The following MAD1L1 variants were observed in gnomAD, a reference collection of about 807,000 sequenced individuals.
MAD1L1 encodes mitotic spindle assembly checkpoint protein MAD1.
In MAD1L1, 95 loss-of-function variants were observed where a neutral mutation model predicts 96.9. The ratio of observed to expected loss-of-function variants is 0.98; its 90% CI spans 0.83 to 1.16. MAD1L1 has a LOEUF of 1.16. MAD1L1 is among the 50% of genes most tolerant of loss of function. MAD1L1 has a pLI of 0.00. For synonymous variants in MAD1L1, 473 were observed against 396.6 expected (o/e 1.19, Z -2.29); for missense variants, 1,007 against 954.4 (o/e 1.06, Z -0.73).
intron 10 of MAD1L1, among the ~76,000 whole-genome samples, chr7:2,170,139 T>C (rs1320019937): frequency 6.6e-6 from 1 of 152,226 alleles, no homozygotes. Flanking sequence ...GGAACCTGCA[T>C]GCCAGGGCTT....
intron 17 of MAD1L1, among the ~76,000 whole-genome samples, chr7:1,933,340 C>T (rs768229561): frequency 3.9e-5 from 6 of 152,174 alleles, no homozygotes; most frequent in Non-Finnish European, 5.9e-5. Context: ...CTGGGCTGCT[C>T]GGATACACAG....
chr7:2,088,406 C>T lies in MAD1L1; in HGVS notation c.1074-19068G>A, dbSNP rs3778960. On this transcript the variant is annotated intron_variant, in intron 11 of 18. Coordinates refer to ENST00000265854, the MANE Select transcript of MAD1L1 (RefSeq NM_001013836.2). This position sits in a 1 kb window ranked among gnomAD's most constrained non-coding sequence, Gnocchi z 4.4. ...CACACTGAGCCACCTATTCCCACCA[C>T]AGCCCCCGCCCCGCTCCGTCCCACC... Among the ~76,000 whole-genome samples, 8,142 of 152,242 alleles carry T rather than the reference C, an allele frequency of 0.053. 393 individuals carry two copies. Among genetic ancestry groups the T allele is most frequent in the African/African-American group, 0.12 (5,101 of 41,516 alleles).
chr7:2,185,943 G>A (rs1182874716), intron 10 of MAD1L1, among the ~76,000 whole-genome samples: 1 of 152,210 alleles, frequency 6.6e-6, no homozygotes, highest in East Asian at 1.9e-4. Flanking sequence ...CTGAGAGCCT[G>A]AAAGCTACCA....
intron 10 of MAD1L1, among the ~76,000 whole-genome samples, chr7:2,158,711 T>G (rs1031874652): frequency 6.6e-6 from 1 of 152,140 alleles, no homozygotes; most frequent in Non-Finnish European, 1.5e-5. Context: ...AACACAATTG[T>G]GTGGAAAGGT....
intron 10 of MAD1L1, among the ~76,000 whole-genome samples, chr7:2,162,708 C>CAAAAAAA (rs200992128): frequency 9.3e-4 from 90 of 96,512 alleles, no homozygotes; most frequent in African/African-American, 2.9e-3. Flanking sequence ...CCACCACTCA[C>CAAAAAAA]AAAAAAAAAA....
rs987064009 is a variant in MAD1L1, at chr7:2,088,167, G to C, written c.1074-18829C>G. ...ATGGGGGCCCACGTGCATGGCCACAGAACAGTGGACGAGGTCGGGCAGCAA... is the reference window on the plus strand; with the variant it reads ...ATGGGGGCCCACGTGCATGGCCACACAACAGTGGACGAGGTCGGGCAGCAA... On this transcript the variant is annotated intron_variant, in intron 11 of 18. Transcript: ENST00000265854. The surrounding 1 kb of genome is among the most constrained non-coding windows in gnomAD (Gnocchi z 4.4). Among the ~76,000 whole-genome samples, 4 of 152,208 alleles carry C rather than the reference G, an allele frequency of 2.6e-5. No homozygotes were observed. Among genetic ancestry groups the C allele is most frequent in the Non-Finnish European group, 5.9e-5 (4 of 68,038 alleles).
At chr7:1,861,198 G>A (rs1391601397) in intron 18 of MAD1L1, among the ~76,000 whole-genome samples, 1 of 152,292 alleles carries the variant, frequency 6.6e-6, no homozygotes, top group African/African-American at 2.4e-5. Context: ...GCTGGGGCTC[G>A]GCCACGGCTA....
intron 10 of MAD1L1, among the ~76,000 whole-genome samples, chr7:2,152,692 C>T (rs1035736708): frequency 1.3e-5 from 2 of 152,210 alleles, no homozygotes; most frequent in Middle Eastern, 3.2e-3. Context: ...CCTACCTGCT[C>T]GGCTGGGCTT....
At chr7:2,047,430 A>G (rs1340745081) in intron 12 of MAD1L1, among the ~76,000 whole-genome samples, 3 of 152,304 alleles carry the variant, frequency 2.0e-5, no homozygotes, top group East Asian at 3.9e-4. Context: ...TATTAACTCC[A>G]TTCTACACTC....
intron 16 of MAD1L1, among the ~76,000 whole-genome samples, chr7:1,940,725 C>T (rs958467515): frequency 2.0e-5 from 3 of 152,222 alleles, no homozygotes; most frequent in Non-Finnish European, 4.4e-5. Flanking sequence ...GCTGCGGGCA[C>T]GGAAACACGA....
At chr7:1,876,268 C>T (rs1785383032) in intron 18 of MAD1L1, among the ~76,000 whole-genome samples, 1 of 152,148 alleles carries the variant, frequency 6.6e-6, no homozygotes, top group Non-Finnish European at 1.5e-5. Flanking sequence ...CCAGCTCCTT[C>T]TCTGGAGGCT....
chr7:2,139,681 A>G (rs1188226232), intron 11 of MAD1L1, among the ~76,000 whole-genome samples: 1 of 152,124 alleles, frequency 6.6e-6, no homozygotes, highest in Non-Finnish European at 1.5e-5. Context: ...CTCTCCTTCA[A>G]GGCTGATGGG....
intron 16 of MAD1L1, among the ~76,000 whole-genome samples, chr7:1,944,903 C>T (rs1414072988): frequency 2.0e-5 from 3 of 152,242 alleles, no homozygotes; most frequent in African/African-American, 4.8e-5. Context: ...CAGCAGCTGA[C>T]AGGCAGGGGA....
At chr7:1,816,716 G>A (rs1466412381) in intron 18 of MAD1L1, among the ~76,000 whole-genome samples, 6 of 152,028 alleles carry the variant, frequency 3.9e-5, no homozygotes, top group East Asian at 1.9e-4. Flanking sequence ...CCCAGAGGGC[G>A]GCCTCCTGTA....
intron 15 of MAD1L1, among the ~76,000 whole-genome samples, chr7:1,979,031 G>T (rs1780773739): frequency 1.3e-5 from 2 of 152,234 alleles, no homozygotes; most frequent in Non-Finnish European, 2.9e-5. Context: ...CATGTGCAGA[G>T]CACTTCCTGG....
At chr7:1,944,469 G>A (rs1322484098) in intron 16 of MAD1L1, among the ~76,000 whole-genome samples, 1 of 152,178 alleles carries the variant, frequency 6.6e-6, no homozygotes, top group Non-Finnish European at 1.5e-5. Flanking sequence ...GCTGAAACCA[G>A]CCTCTTCCTT....
chr7:2,009,423 G>C (rs924815456), intron 13 of MAD1L1, among the ~76,000 whole-genome samples: 1 of 152,134 alleles, frequency 6.6e-6, no homozygotes, highest in African/African-American at 2.4e-5. Flanking sequence ...TCATGGTCAC[G>C]GTCACGTGGA....
intron 11 of MAD1L1, among the ~76,000 whole-genome samples, chr7:2,139,488 G>A (rs1788919657): frequency 6.6e-6 from 1 of 152,234 alleles, no homozygotes; most frequent in Non-Finnish European, 1.5e-5. Context: ...TCTGGTCTCA[G>A]GAGGAACCAG....
At chr7:1,995,600 G>A (rs1465824737) in intron 14 of MAD1L1, among the ~76,000 whole-genome samples, 1 of 152,166 alleles carries the variant, frequency 6.6e-6, no homozygotes, top group East Asian at 1.9e-4. Context: ...GGAGGAGAGT[G>A]AGCTAAGGAC....
Sources: gnomAD v4.1 joint callset for allele counts (sites outside exome capture counted in the v4.1 genomes callset) on GRCh38, gnomAD v4.1.1 for gene constraint, Gnocchi (gnomAD v3.1) non-coding constraint, MANE v1.5 for transcripts, NCBI Gene and HGNC (gene_info 2026-07-23, HGNC 2026-07-21) for gene names.